Variants in BMP3 observed in about 807,000 individuals in gnomAD.
BMP3 encodes the protein bone morphogenetic protein 3 (osteogenic).
A neutral mutation model predicts 38.1 loss-of-function variants in BMP3; 23 were observed. That is an observed-to-expected ratio of 0.60 (90% confidence interval 0.43 to 0.86). The LOEUF (loss-of-function observed/expected upper bound fraction) is 0.86, where lower values mean the gene tolerates loss of function less well. Ranked by LOEUF, BMP3 falls within the 40% of genes least tolerant of loss-of-function variation. BMP3 has a pLI of 0.00. For missense variants in BMP3, 628 were observed against 579.6 expected (o/e 1.08, Z -0.86); for synonymous variants, 258 against 225.7 (o/e 1.14, Z -1.28).
rs754516085 is a variant in BMP3, at chr4:81,054,230, A to G, written c.*694A>G. ...TTGGCAAACACCATTCAGTTATAAGAACTTTGCCAAATATGATAGAATAAT... is the reference window on the plus strand; with the variant it reads ...TTGGCAAACACCATTCAGTTATAAGGACTTTGCCAAATATGATAGAATAAT... On this transcript the variant is annotated 3_prime_UTR_variant, in exon 3 of 3. Coordinates refer to ENST00000282701, the MANE Select transcript of BMP3 (RefSeq NM_001201.5). The G allele has an allele frequency of 6.6e-6, 1 of 152,526 alleles. No homozygotes were observed. The highest frequency in any genetic ancestry group is 1.5e-5 in the Non-Finnish European group (1 of 68,010). The allele number at this position is 152,526 out of a possible 1,614,324, so 9.4% of individuals were successfully genotyped here.
intron 1 of BMP3, among the ~76,000 whole-genome samples, chr4:81,032,281 A>C (rs917401444): frequency 1.3e-5 from 2 of 149,774 alleles, no homozygotes; most frequent in Middle Eastern, 3.5e-3. Context: ...TGTACCATCC[A>C]TCCTGGGAGG....
intron 1 of BMP3, among the ~76,000 whole-genome samples, chr4:81,043,136 A>G (rs1271418267): frequency 6.6e-6 from 1 of 152,322 alleles, no homozygotes; most frequent in East Asian, 1.9e-4. Context: ...CATGTTTTTG[A>G]TCAAGAACAT....
chr4:81,045,495 T>C (rs1185512625), intron 1 of BMP3, among the ~76,000 whole-genome samples: 1 of 152,232 alleles, frequency 6.6e-6, no homozygotes, highest in Non-Finnish European at 1.5e-5. Flanking sequence ...TTACCGATTT[T>C]ATTGATGTAT....
chr4:81,043,397 A>AT (rs1428193520), intron 1 of BMP3, among the ~76,000 whole-genome samples: 3 of 152,172 alleles, frequency 2.0e-5, no homozygotes, highest in Non-Finnish European at 2.9e-5. Flanking sequence ...AATTTTAATC[A>AT]TTTTTGTTGC....
At position 81,049,612 on chromosome 4, in the gene BMP3, A is replaced by G. The variant is rs574383448; in HGVS notation, c.1227+2964A>G. On this transcript the variant is annotated intron_variant, in intron 2 of 2. Coordinates refer to ENST00000282701, the MANE Select transcript of BMP3 (RefSeq NM_001201.5). ...TTGTGTGTATCTGTTTAACTTTTAA[A>G]GCTTTCTAGTGGTTCCCTTTAAGCC... Among the ~76,000 whole-genome samples the G allele has an allele frequency of 7.2e-5, 11 of 152,298 alleles. No homozygotes were observed. In the South Asian group the frequency reaches 1.0e-3, roughly 14 times the overall value.
intron 1 of BMP3, among the ~76,000 whole-genome samples, chr4:81,031,874 A>G (rs1488785303): frequency 6.6e-6 from 1 of 152,120 alleles, no homozygotes; most frequent in East Asian, 1.9e-4. Flanking sequence ...GCTTCGTGGA[A>G]AAAGGGAAGG....
intron 1 of BMP3, among the ~76,000 whole-genome samples, chr4:81,034,876 A>G (rs1739878202): frequency 6.6e-6 from 1 of 152,158 alleles, no homozygotes. Context: ...TAAGTGTTGA[A>G]TGATCATCCC....
At chr4:81,034,862 T>C (rs1739877728) in intron 1 of BMP3, among the ~76,000 whole-genome samples, 1 of 152,116 alleles carries the variant, frequency 6.6e-6, no homozygotes, top group South Asian at 2.1e-4. Flanking sequence ...AGATAGTATA[T>C]AACTAAGTGT....
Position 81,056,997 on chromosome 4 carries a change from C to A in BMP3, c.*3461C>A, listed in dbSNP as rs79024279. 0.12 allele frequency: 18,200 copies of A among 152,546 alleles called. 1,275 individuals are homozygous for A. Among genetic ancestry groups the A allele is most frequent in the African/African-American group, 0.19 (7,750 of 41,488 alleles). The allele number at this position is 152,546 out of a possible 1,614,324, so 9.4% of individuals were successfully genotyped here. ...CAAAGTTGGGTTAGGCATAGCTATGCACACCTGATGTGTAAGATTAAAGAA... is the reference window on the plus strand; with the variant it reads ...CAAAGTTGGGTTAGGCATAGCTATGAACACCTGATGTGTAAGATTAAAGAA... On this transcript the variant is annotated 3_prime_UTR_variant, in exon 3 of 3. Coordinates refer to ENST00000282701, the MANE Select transcript of BMP3 (RefSeq NM_001201.5).
rs529498086 is a variant in BMP3, at chr4:81,032,974, T to C, written c.316+1374T>C. On this transcript the variant is annotated intron_variant, in intron 1 of 2. Transcript: ENST00000282701. ...CAGTATCCTAGCCATTGGAGGAGGCTGTCCTGACAGCTGACTACACCAGTG... is the reference window on the plus strand; with the variant it reads ...CAGTATCCTAGCCATTGGAGGAGGCCGTCCTGACAGCTGACTACACCAGTG... 2.2e-3 allele frequency among the ~76,000 whole-genome samples: 342 copies of C among 152,342 alleles called. 4 individuals are homozygous for C. Among genetic ancestry groups the C allele is most frequent in the African/African-American group, 7.9e-3 (329 of 41,586 alleles).
At position 81,031,190 on chromosome 4, in the gene BMP3, T is replaced by C; in HGVS notation, c.-95T>C. On this transcript the variant is annotated 5_prime_UTR_variant, in exon 1 of 3. Coordinates refer to ENST00000282701, the MANE Select transcript of BMP3 (RefSeq NM_001201.5). ...CCGTGCGCCCTCGCCCCAGCTGGTT[T>C]GGAGTTCAACCCTCGGCTCCGCCGC... The C allele has an allele frequency of 7.5e-7, 1 of 1,336,716 alleles. No individual in the cohort carries two copies. Among genetic ancestry groups the C allele is most frequent in the Non-Finnish European group, 1.0e-6 (1 of 1,001,732 alleles). The allele number at this position is 1,336,716 out of a possible 1,614,324, so 82.8% of individuals were successfully genotyped here. A position where few individuals can be genotyped will look rare whatever the true frequency, so the allele number is the denominator to read the frequency against.
At chr4:81,047,947 GAAAAAAAAAAA>G (rs3042535) in intron 2 of BMP3, among the ~76,000 whole-genome samples, 1 of 91,560 alleles carries the variant, frequency 1.1e-5, no homozygotes, top group African/African-American at 3.9e-5. Flanking sequence ...ACTCTGAAGA[GAAAAAAAAAAA>G]AAAAAAAAAA....
At chr4:81,042,873 T>C (rs1740117326) in intron 1 of BMP3, among the ~76,000 whole-genome samples, 1 of 152,188 alleles carries the variant, frequency 6.6e-6, no homozygotes. Context: ...TATGCTCCGG[T>C]GACTGGTATG....
Position 81,056,613 on chromosome 4 carries a change from C to T in BMP3, c.*3077C>T, listed in dbSNP as rs1740577775. On this transcript the variant is annotated 3_prime_UTR_variant, in exon 3 of 3. Transcript: ENST00000282701. ...TATTTTAAAAATACTTTGTTGTAAC[C>T]TGTGTAAATAATATACAATTTACAG... 6.6e-6 allele frequency: 1 copy of T among 152,552 alleles called. No homozygotes were observed. The highest frequency in any genetic ancestry group is 1.5e-5 in the Non-Finnish European group (1 of 68,036). 9.4% of individuals were successfully genotyped at this position (152,552 alleles called of 1,614,324 possible).
chr4:81,045,716 T>A, intron 1 of BMP3, 22 bp from the exon 2 acceptor site: 1 of 1,534,946 alleles, frequency 6.5e-7, no homozygotes, highest in Non-Finnish European at 8.8e-7. Context: ...TCCTGTTTAC[T>A]CTCTTTCTTT....
chr4:81,036,458 C>T (rs1739927571), intron 1 of BMP3, among the ~76,000 whole-genome samples: 1 of 151,936 alleles, frequency 6.6e-6, no homozygotes. Flanking sequence ...AACAGAACAT[C>T]TCTCCCCAAA....
chr4:81,035,006 T>C (rs1739881769), intron 1 of BMP3, among the ~76,000 whole-genome samples: 1 of 152,116 alleles, frequency 6.6e-6, no homozygotes, highest in Non-Finnish European at 1.5e-5. Context: ...GCCTGGCACC[T>C]AGAAACTAGG....
intron 2 of BMP3, among the ~76,000 whole-genome samples, chr4:81,047,000 A>G (rs1194319783): frequency 1.3e-5 from 2 of 152,230 alleles, no homozygotes; most frequent in Non-Finnish European, 2.9e-5. Flanking sequence ...CCCAAATGGT[A>G]GAAGGCTGAC....
At chr4:81,039,786 G>A (rs1298695865) in intron 1 of BMP3, among the ~76,000 whole-genome samples, 1 of 152,094 alleles carries the variant, frequency 6.6e-6, no homozygotes, top group Non-Finnish European at 1.5e-5. Context: ...AAAAGCTTTA[G>A]GGTCAAGCCC....
Sources: allele counts gnomAD v4.1 joint callset (sites outside exome capture counted in the v4.1 genomes callset), GRCh38; gene constraint gnomAD v4.1.1; transcripts MANE v1.5; gene names NCBI Gene and HGNC (gene_info 2026-07-23, HGNC 2026-07-21).